DRC5: variants seen among roughly 807,000 people sequenced by gnomAD.
DRC5 encodes the protein dynein regulatory complex subunit 5, also known as T-complex-associated testis-expressed protein 1.
At chr6:44,288,069 C>T in the DRC5 span, among the ~76,000 whole-genome samples, 1 of 152,100 alleles carries the variant, frequency 6.6e-6, no homozygotes. Context: ...GTTACTGAAC[C>T]TCTCTGAATT....
chr6:44,287,655 A>G, the DRC5 span: 3 of 1,614,106 alleles, frequency 1.9e-6, no homozygotes, highest in Middle Eastern at 4.9e-4. Flanking sequence ...TCCGACGGAT[A>G]TTGGCCCTGG....
At chr6:44,281,828 A>T in the DRC5 span, among the ~76,000 whole-genome samples, 1 of 152,224 alleles carries the variant, frequency 6.6e-6, no homozygotes, top group African/African-American at 2.4e-5. Flanking sequence ...TGGGCAACTC[A>T]CTATCCTCTC....
the DRC5 span, among the ~76,000 whole-genome samples, chr6:44,290,317 T>C: frequency 6.6e-6 from 1 of 152,178 alleles, no homozygotes; most frequent in Admixed American, 6.5e-5. Flanking sequence ...TAATAATATC[T>C]TCCTACATGG....
chr6:44,285,106 T>G, the DRC5 span, among the ~76,000 whole-genome samples: 1 of 152,188 alleles, frequency 6.6e-6, no homozygotes, highest in Admixed American at 6.5e-5. Flanking sequence ...AGAGCCTGTA[T>G]GCACTGCTCC....
At chr6:44,293,083 A>G in the DRC5 span, among the ~76,000 whole-genome samples, 1 of 152,164 alleles carries the variant, frequency 6.6e-6, no homozygotes, top group African/African-American at 2.4e-5. Context: ...ATCCTCAATC[A>G]GTAGATGAAA....
chr6:44,287,738 T>C, the DRC5 span: 6 of 1,613,986 alleles, frequency 3.7e-6, no homozygotes, highest in Non-Finnish European at 4.2e-6. Flanking sequence ...GTGCTTGAAG[T>C]GTGTCCTCCA....
At chr6:44,292,822 G>C in the DRC5 span, among the ~76,000 whole-genome samples, 2 of 152,204 alleles carry the variant, frequency 1.3e-5, no homozygotes, top group Admixed American at 6.5e-5. Flanking sequence ...TCAAGCCTGG[G>C]GGAGACCAGC....
chr6:44,287,872 T>C, the DRC5 span: 5 of 1,582,670 alleles, frequency 3.2e-6, no homozygotes, highest in Non-Finnish European at 2.6e-6. Flanking sequence ...GATGGCCTTA[T>C]GACAAGAAGC....
the DRC5 span, among the ~76,000 whole-genome samples, chr6:44,295,291 G>A: frequency 6.6e-6 from 1 of 152,182 alleles, no homozygotes; most frequent in Non-Finnish European, 1.5e-5. Flanking sequence ...CGCTCTCAGA[G>A]GGGGAAAGTG....
At chr6:44,282,487 G>C in the DRC5 span, 1 of 1,610,354 alleles carries the variant, frequency 6.2e-7, no homozygotes, top group South Asian at 1.1e-5. Flanking sequence ...TCGAGGACTG[G>C]GTGGTCCAGA....
the DRC5 span, chr6:44,287,693 C>T: frequency 6.2e-7 from 1 of 1,614,172 alleles, no homozygotes. Context: ...TTTGCAGGGA[C>T]TGGTGTGATT....
At chr6:44,287,817 A>ATCCTGCAT in the DRC5 span, 2 of 1,613,144 alleles carry the variant, frequency 1.2e-6, no homozygotes, top group Non-Finnish European at 1.7e-6. Context: ...TCGTTACGGT[A>ATCCTGCAT]TCCTGCATGC....
chr6:44,286,251 A>C, the DRC5 span: 14 of 1,612,626 alleles, frequency 8.7e-6, no homozygotes, highest in African/African-American at 1.3e-5. Context: ...CTGCGCACGT[A>C]ATTCCGGCAG....
chr6:44,296,512 C>T, the DRC5 span, among the ~76,000 whole-genome samples: 1 of 152,246 alleles, frequency 6.6e-6, no homozygotes, highest in African/African-American at 2.4e-5. Context: ...CCAGCTAAAT[C>T]TAACCATTCT....
At chr6:44,291,443 C>T in the DRC5 span, among the ~76,000 whole-genome samples, 4 of 152,178 alleles carry the variant, frequency 2.6e-5, no homozygotes, top group African/African-American at 7.2e-5. Flanking sequence ...CTTGCTGCCC[C>T]GCTGTCACTG....
At chr6:44,283,204 C>T in the DRC5 span, among the ~76,000 whole-genome samples, 1 of 152,068 alleles carries the variant, frequency 6.6e-6, no homozygotes, top group Non-Finnish European at 1.5e-5. Flanking sequence ...TACATTATTT[C>T]CCCAGAGTAA....
chr6:44,288,657 C>A, the DRC5 span, among the ~76,000 whole-genome samples: 1 of 152,194 alleles, frequency 6.6e-6, no homozygotes, highest in South Asian at 2.1e-4. Flanking sequence ...ATGCAAGCCA[C>A]ATATGCTATT....
the DRC5 span, among the ~76,000 whole-genome samples, chr6:44,284,658 G>T: frequency 6.6e-6 from 1 of 152,260 alleles, no homozygotes; most frequent in Middle Eastern, 3.4e-3. Context: ...CAGAGGTCTT[G>T]CACCTCACCT....
At chr6:44,290,467 G>C in the DRC5 span, among the ~76,000 whole-genome samples, 2 of 152,194 alleles carry the variant, frequency 1.3e-5, no homozygotes, top group African/African-American at 4.8e-5. Flanking sequence ...CCTGCTTCTT[G>C]AGTGCTGACC....
Sources: gnomAD v4.1 joint callset for allele counts (sites outside exome capture counted in the v4.1 genomes callset) on GRCh38, gnomAD v4.1.1 for gene constraint, MANE v1.5 for transcripts, NCBI Gene and HGNC (gene_info 2026-07-23, HGNC 2026-07-21) for gene names.